RAD54L2: variants seen among roughly 807,000 people sequenced by gnomAD.
RAD54L2 encodes helicase ARIP4.
In RAD54L2, 27 loss-of-function variants were observed where a neutral mutation model predicts 138.4. That is an observed-to-expected ratio of 0.20 (90% CI 0.14 to 0.27). The LOEUF (loss-of-function observed/expected upper bound fraction) is 0.27, where lower values mean the gene tolerates loss of function less well. RAD54L2 is among the 10% of genes least tolerant of loss of function. RAD54L2 has a pLI of 1.00. For synonymous variants in RAD54L2, 644 were observed against 723.2 expected, an observed-to-expected ratio of 0.89 and a Z score of 1.76; for missense variants, 1,396 against 1,890.2, an observed-to-expected ratio of 0.74 and a Z score of 4.85.
intron 2 of RAD54L2, among the ~76,000 whole-genome samples, chr3:51,562,433 T>A (rs1025165389): frequency 9.9e-5 from 15 of 152,162 alleles, no homozygotes; most frequent in African/African-American, 3.6e-4. Context: ...AATAAACATG[T>A]TGGCCAGGCT....
chr3:51,581,346 C>T (rs1417642833), intron 2 of RAD54L2, among the ~76,000 whole-genome samples: 1 of 152,150 alleles, frequency 6.6e-6, no homozygotes, highest in Non-Finnish European at 1.5e-5. Context: ...GATCCACCCA[C>T]CTCGGCCTCC....
intron 18 of RAD54L2, 98 bp from the exon 19 acceptor site, chr3:51,646,187 A>G (rs1224315143): frequency 9.2e-7 from 1 of 1,085,982 alleles, no homozygotes; most frequent in Non-Finnish European, 1.3e-6. Context: ...TCTCTTCGCT[A>G]GTGCTGGAGA....
chr3:51,612,749 A>G (rs1461840761), intron 3 of RAD54L2, among the ~76,000 whole-genome samples: 1 of 150,936 alleles, frequency 6.6e-6, no homozygotes, highest in Non-Finnish European at 1.5e-5. Context: ...AATCTTTTCC[A>G]TTGTTTCATA....
At chr3:51,635,818 GT>G in intron 10 of RAD54L2, 29 bp downstream of exon 10, 2 of 1,563,614 alleles carry the variant, frequency 1.3e-6, no homozygotes, top group African/African-American at 2.7e-5. Flanking sequence ...GAATACTCTT[GT>G]TGGTGTTTCA....
At chr3:51,652,939 T>A (rs1701482325) in intron 19 of RAD54L2, among the ~76,000 whole-genome samples, 1 of 152,116 alleles carries the variant, frequency 6.6e-6, no homozygotes, top group Admixed American at 6.5e-5. Context: ...GGGATCTAAT[T>A]AAACTAAAGA....
chr3:51,658,591 A>G (rs1701669673), intron 21 of RAD54L2, among the ~76,000 whole-genome samples: 1 of 152,136 alleles, frequency 6.6e-6, no homozygotes, highest in Middle Eastern at 3.2e-3. Flanking sequence ...TGTTTTACAT[A>G]TTAGCCTTTA....
intron 19 of RAD54L2, among the ~76,000 whole-genome samples, chr3:51,647,561 C>T (rs1427563839): frequency 3.3e-5 from 5 of 151,918 alleles, no homozygotes; most frequent in African/African-American, 4.8e-5. Context: ...CCCAGCTACT[C>T]GGGAGGCTGA....
intron 2 of RAD54L2, among the ~76,000 whole-genome samples, chr3:51,578,476 C>G (rs1387699748): frequency 6.6e-6 from 1 of 152,182 alleles, no homozygotes; most frequent in Non-Finnish European, 1.5e-5. Context: ...GATGGTTAGA[C>G]TGCTGATGGA....
chr3:51,635,690 A>C lies in RAD54L2; in HGVS notation c.1240A>C (p.Lys414Gln). 6.2e-7 allele frequency: 1 copy of C among 1,613,908 alleles called. No individual in the cohort carries two copies. The highest frequency in any genetic ancestry group is 1.3e-5 in the African/African-American group (1 of 75,022). ...YEMYRLLTLK[K>Q]SFATGRPKKT... ...GATGTACAGACTCCTCACTCTGAAG[A>C]AATCATTTGCCACAGGTAGACCGAA... Residue 414 changes from lysine (K) to glutamine (Q), a missense_variant, in exon 10 of 23, where the codon AAA becomes CAA. This residue lies in a region of RAD54L2 where 169 missense variants were observed against 235.6 expected (regional missense o/e 0.72). Coordinates refer to ENST00000684192, the MANE Select transcript of RAD54L2 (RefSeq NM_015106.4).
At chr3:51,625,872 A>G (rs1314102332) in intron 3 of RAD54L2, among the ~76,000 whole-genome samples, 1 of 152,088 alleles carries the variant, frequency 6.6e-6, no homozygotes, top group African/African-American at 2.4e-5. Context: ...TTACAAAAAA[A>G]AAATAGTGTT....
chr3:51,645,793 G>T lies in RAD54L2; in HGVS notation c.2829+30G>T, dbSNP rs751208794. On this transcript the variant is annotated intron_variant, in intron 18 of 22. Transcript: ENST00000684192. The surrounding 1 kb of genome is among the most constrained non-coding windows in gnomAD (Gnocchi z 6.1). ...GAACTTGGTATGCATGCAATCCCCA[G>T]AGTGGCAGTCTCTCTGTCAAAGGAG... 1 of 1,576,538 alleles carries T rather than the reference G, an allele frequency of 6.3e-7. No individual in the cohort carries two copies. The highest frequency in any genetic ancestry group is 8.6e-7 in the Non-Finnish European group (1 of 1,161,854).
intron 15 of RAD54L2, among the ~76,000 whole-genome samples, chr3:51,643,365 TC>T (rs1267603307): frequency 6.6e-6 from 1 of 152,226 alleles, no homozygotes; most frequent in Non-Finnish European, 1.5e-5. Context: ...CTTTGGAGCT[TC>T]CCTCCTTTCA....
At chr3:51,553,125 T>A (rs1448382714) in intron 2 of RAD54L2, among the ~76,000 whole-genome samples, 1 of 152,112 alleles carries the variant, frequency 6.6e-6, no homozygotes, top group Non-Finnish European at 1.5e-5. Flanking sequence ...GTTGCCAGGA[T>A]GGAGGGCAGT....
chr3:51,610,625 G>A lies in RAD54L2; in HGVS notation c.140-16928G>A, dbSNP rs1274459298. Among the ~76,000 whole-genome samples the A allele has an allele frequency of 4.5e-5, 6 of 133,106 alleles. No individual in the cohort carries two copies. The Admixed American group carries it at 4.8e-4, about 11-fold the overall frequency. 87.3% of individuals were successfully genotyped at this position (133,106 alleles called of 152,430 possible). On this transcript the variant is annotated intron_variant, in intron 3 of 22. Coordinates refer to ENST00000684192, the MANE Select transcript of RAD54L2 (RefSeq NM_015106.4). ...CTGCACTCCAGCCTGGGTGACAAAA[G>A]CAAGACTCCATCTCAAAAAAAAAAA...
At chr3:51,571,370 G>T (rs1188432931) in intron 2 of RAD54L2, among the ~76,000 whole-genome samples, 1 of 143,854 alleles carries the variant, frequency 7.0e-6, no homozygotes, top group Non-Finnish European at 1.5e-5. Flanking sequence ...ATTTGGCTGT[G>T]TCTCTGTGGA....
chr3:51,548,852 A>C (rs1553672936), intron 2 of RAD54L2, among the ~76,000 whole-genome samples: 1 of 130,820 alleles, frequency 7.6e-6, no homozygotes, highest in Non-Finnish European at 1.6e-5. Context: ...TTTGAGATAG[A>C]GTCCTGTTCT....
rs1483767518 is a variant in RAD54L2 at position 51,638,251 on chromosome 3, G to A, written c.1790G>A (p.Arg597His). ...GATTTGTATACACAGTTCATGGATC[G>A]CTTCCGGGACTGTGGTAGCAGCGGT... Reference protein sequence around the residue: ...QRDLYTQFMDRFRDCGSSGWL... With the variant: ...QRDLYTQFMDHFRDCGSSGWL... The change falls in exon 12 of 23, where the codon CGC (arginine) becomes CAC (histidine). Residue 597 changes from arginine to histidine, a missense_variant. Arg to His is a conservative substitution (Grantham distance 29). Transcript: ENST00000684192. This position sits in a 1 kb window ranked among gnomAD's most constrained non-coding sequence, Gnocchi z 4.3. 7 of 1,614,000 alleles carry A rather than the reference G, an allele frequency of 4.3e-6. No homozygotes were observed. Among genetic ancestry groups the A allele is most frequent in the South Asian group, 1.1e-5 (1 of 91,088 alleles).
In RAD54L2 at chr3:51,629,485, A is replaced by G. The variant is rs1700783183; in HGVS notation, c.481+12A>G. The stretch of plus-strand genomic sequence containing the variant: ...GGAGTTCCTCCCTGGTAAGCAGTGG[A>G]CATGGCAGGGAAGGCCCTTTGCTTC... On this transcript the variant is annotated intron_variant, in intron 5 of 22. Coordinates refer to ENST00000684192, the MANE Select transcript of RAD54L2 (RefSeq NM_015106.4). 1 of 1,611,418 alleles carries G rather than the reference A, an allele frequency of 6.2e-7. No homozygotes were observed. Among genetic ancestry groups the G allele is most frequent in the Non-Finnish European group, 8.5e-7 (1 of 1,178,954 alleles).
At chr3:51,580,492 A>G (rs900500856) in intron 2 of RAD54L2, among the ~76,000 whole-genome samples, 3 of 152,076 alleles carry the variant, frequency 2.0e-5, no homozygotes, top group Admixed American at 1.3e-4. Flanking sequence ...TGAAAGTTCC[A>G]CCCTGTAGTC....
Sources: gnomAD v4.1 joint callset for allele counts (sites outside exome capture counted in the v4.1 genomes callset) on GRCh38, gnomAD v4.1.1 for gene constraint, gnomAD v4.1.1 regional missense constraint, Gnocchi (gnomAD v3.1) non-coding constraint, MANE v1.5 for transcripts, NCBI Gene and HGNC (gene_info 2026-07-23, HGNC 2026-07-21) for gene names.